The following CCSER1 variants were observed in gnomAD, a reference collection of about 807,000 sequenced individuals.
CCSER1 encodes the protein serine-rich coiled-coil domain-containing protein 1.
CCSER1 carries 41 observed loss-of-function variants against 82.0 expected under a neutral mutation model. That is an observed-to-expected ratio of 0.50 (90% CI 0.39 to 0.65). The LOEUF (loss-of-function observed/expected upper bound fraction) is 0.65. Ranked by LOEUF, CCSER1 falls within the 30% of genes least tolerant of loss-of-function variation. The pLI, the probability that CCSER1 is intolerant of heterozygous loss-of-function variation, is 0.00. For missense variants in CCSER1, 1,119 were observed against 1,064.2 expected, an observed-to-expected ratio of 1.05 and a Z score of -0.72; for synonymous variants, 414 against 383.9, an observed-to-expected ratio of 1.08 and a Z score of -0.92.
intron 10 of CCSER1, among the ~76,000 whole-genome samples, chr4:91,498,236 A>G (rs972512125): frequency 6.6e-6 from 1 of 151,970 alleles, no homozygotes; most frequent in Non-Finnish European, 1.5e-5. Context: ...AAATTTAGAT[A>G]TTTCACTTCT....
chr4:90,729,823 C>T (rs937701220), intron 7 of CCSER1, among the ~76,000 whole-genome samples: 1 of 151,996 alleles, frequency 6.6e-6, no homozygotes, highest in Non-Finnish European at 1.5e-5. Context: ...TTGCAGTGAG[C>T]GGAGATAGCA....
chr4:90,261,161 G>GT (rs34782676), intron 1 of CCSER1, among the ~76,000 whole-genome samples: 3,733 of 147,882 alleles, frequency 0.025, 103 homozygotes, highest in African/African-American at 0.071. Flanking sequence ...TAGATACACT[G>GT]TTTTTTTTTT....
At chr4:91,291,498 C>A (rs1743742812) in intron 10 of CCSER1, among the ~76,000 whole-genome samples, 1 of 151,958 alleles carries the variant, frequency 6.6e-6, no homozygotes, top group Non-Finnish European at 1.5e-5. Flanking sequence ...TGCTGGGCTT[C>A]TGGGGATTCC....
chr4:90,380,415 C>T (rs1360246819), intron 3 of CCSER1, among the ~76,000 whole-genome samples: 5 of 152,104 alleles, frequency 3.3e-5, no homozygotes, highest in African/African-American at 9.7e-5. Flanking sequence ...TGATTTTTAA[C>T]TATGTTCAAA....
intron 10 of CCSER1, among the ~76,000 whole-genome samples, chr4:91,379,450 G>A (rs1011490080): frequency 1.3e-5 from 2 of 152,088 alleles, no homozygotes; most frequent in African/African-American, 4.8e-5. Context: ...GGTCTATTCA[G>A]GGATTCAACT....
chr4:91,561,728 C>A (rs1762659220), intron 10 of CCSER1, among the ~76,000 whole-genome samples: 1 of 151,228 alleles, frequency 6.6e-6, no homozygotes, highest in Non-Finnish European at 1.5e-5. Context: ...GCAGACAAAT[C>A]AAAAATGGAT....
In CCSER1 at chr4:91,437,384, C is replaced by T. The variant is rs143117306; in HGVS notation, c.2218-161188C>T. 4.8e-3 allele frequency among the ~76,000 whole-genome samples: 736 copies of T among 152,228 alleles called. 2 individuals are homozygous for T. Among genetic ancestry groups the T allele is most frequent in the Non-Finnish European group, 5.4e-3 (370 of 68,022 alleles). ...TCATAAAACAAGAAAAATATTGAGG[C>T]GCTATTCTGCAATTTGCAGCTACGT... On this transcript the variant is annotated intron_variant, in intron 10 of 10. Transcript: ENST00000509176.
chr4:90,816,390 A>G (rs775368578), intron 8 of CCSER1, among the ~76,000 whole-genome samples: 2 of 152,170 alleles, frequency 1.3e-5, no homozygotes, highest in Non-Finnish European at 1.5e-5. Context: ...TTTTTAATGT[A>G]ATATCATGAA....
intron 6 of CCSER1, among the ~76,000 whole-genome samples, chr4:90,658,307 C>T (rs1218646734): frequency 4.6e-5 from 7 of 152,214 alleles, no homozygotes; most frequent in African/African-American, 1.4e-4. Flanking sequence ...CTTTTGCAGG[C>T]AATTAAGTTC....
intron 6 of CCSER1, among the ~76,000 whole-genome samples, chr4:90,715,379 A>G (rs17017443): frequency 0.14 from 21,457 of 151,968 alleles, 2,235 homozygotes; most frequent in African/African-American, 0.29. Context: ...GAGCTGGGTT[A>G]TTGCCTTGCC....
intron 10 of CCSER1, among the ~76,000 whole-genome samples, chr4:91,311,937 T>A (rs1372320033): frequency 1.3e-5 from 2 of 151,940 alleles, no homozygotes; most frequent in African/African-American, 4.8e-5. Flanking sequence ...ACTGTTATAA[T>A]TCTGGTTAGT....
intron 10 of CCSER1, among the ~76,000 whole-genome samples, chr4:91,093,144 C>A (rs763896007): frequency 1.8e-4 from 27 of 152,188 alleles, no homozygotes; most frequent in Non-Finnish European, 3.4e-4. Context: ...TCCTTCTGGG[C>A]TGAAGTGCCC....
At chr4:91,432,671 G>T (rs2149395160) in intron 10 of CCSER1, among the ~76,000 whole-genome samples, 1 of 152,114 alleles carries the variant, frequency 6.6e-6, no homozygotes, top group African/African-American at 2.4e-5. Flanking sequence ...AATCATAAAA[G>T]GGACATATAT....
At chr4:90,412,002 G>C (rs982360991) in intron 4 of CCSER1, among the ~76,000 whole-genome samples, 2 of 151,804 alleles carry the variant, frequency 1.3e-5, no homozygotes, top group African/African-American at 4.8e-5. Flanking sequence ...CTGCTATAAA[G>C]ACACATGCAC....
intron 9 of CCSER1, among the ~76,000 whole-genome samples, chr4:91,084,674 A>T (rs540819196): frequency 6.6e-6 from 1 of 152,270 alleles, no homozygotes. Flanking sequence ...TAGCCTCTTT[A>T]AACTGTTCTA....
intron 1 of CCSER1, among the ~76,000 whole-genome samples, chr4:90,220,415 A>G (rs1402968767): frequency 1.3e-5 from 2 of 151,512 alleles, no homozygotes; most frequent in Non-Finnish European, 2.9e-5. Flanking sequence ...TTTGTCGCCT[A>G]TGTGATTTTT....
At chr4:90,532,860 G>C (rs865900911) in intron 5 of CCSER1, among the ~76,000 whole-genome samples, 1 of 152,038 alleles carries the variant, frequency 6.6e-6, no homozygotes, top group Non-Finnish European at 1.5e-5. Context: ...CTTCTCCCAA[G>C]TATCTATCTT....
intron 10 of CCSER1, among the ~76,000 whole-genome samples, chr4:91,419,133 T>A (rs749884095): frequency 3.9e-5 from 6 of 151,924 alleles, no homozygotes; most frequent in Admixed American, 1.3e-4. Flanking sequence ...ACATACTCAA[T>A]AGTGAAAAGC....
chr4:91,542,953 T>G (rs1441555089), intron 10 of CCSER1, among the ~76,000 whole-genome samples: 1 of 152,180 alleles, frequency 6.6e-6, no homozygotes, highest in Non-Finnish European at 1.5e-5. Context: ...TTTCTAGGTC[T>G]CTAAGAACTT....
Sources: gnomAD v4.1 joint callset for allele counts (sites outside exome capture counted in the v4.1 genomes callset) on GRCh38, gnomAD v4.1.1 for gene constraint, MANE v1.5 for transcripts, NCBI Gene and HGNC (gene_info 2026-07-23, HGNC 2026-07-21) for gene names.